PATJ: variants seen among roughly 807,000 people sequenced by gnomAD.
PATJ encodes the protein PATJ crumbs cell polarity complex component.
A neutral mutation model predicts 224.9 loss-of-function variants in PATJ; 190 were observed. That is an observed-to-expected ratio of 0.84 (90% CI 0.75 to 0.95). The LOEUF is 0.95. Ranked by LOEUF, PATJ falls within the 40% of genes least tolerant of loss-of-function variation. The probability of loss-of-function intolerance (pLI) is 0.00; values close to 1 mark genes in which losing one functional copy is unlikely to be tolerated. For missense variants in PATJ, 2,121 were observed against 2,270.3 expected, an observed-to-expected ratio of 0.93 and a Z score of 1.34; for synonymous variants, 769 against 820.3, an observed-to-expected ratio of 0.94 and a Z score of 1.07.
intron 31 of PATJ, among the ~76,000 whole-genome samples, chr1:62,054,758 T>A (rs1654256388): frequency 1.3e-5 from 2 of 152,180 alleles, no homozygotes; most frequent in Admixed American, 1.3e-4. Context: ...TTAATTTTTT[T>A]AATATTTAAG....
At chr1:61,993,349 C>T (rs2095090) in intron 28 of PATJ, among the ~76,000 whole-genome samples, 4,553 of 152,208 alleles carry the variant, frequency 0.03, 216 homozygotes, top group African/African-American at 0.1. Flanking sequence ...CCTGTCTGGG[C>T]GTGCTACCCA....
intron 33 of PATJ, among the ~76,000 whole-genome samples, chr1:62,099,853 T>A (rs560612106): frequency 6.6e-6 from 1 of 152,306 alleles, no homozygotes; most frequent in Non-Finnish European, 1.5e-5. Flanking sequence ...CCTGGCTTCT[T>A]TAAGTGTTAT....
chr1:62,155,129 A>G (rs142825369), intron 43 of PATJ, among the ~76,000 whole-genome samples: 6 of 152,318 alleles, frequency 3.9e-5, no homozygotes, highest in South Asian at 2.1e-4. Context: ...ATAGCCAGCT[A>G]TGTAGATAAG....
chr1:61,991,572 C>T, intron 28 of PATJ: 1 of 985,330 alleles, frequency 1.0e-6, no homozygotes, highest in Non-Finnish European at 1.2e-6. Context: ...AACAGGAAGA[C>T]CATCGCCATC....
intron 27 of PATJ, among the ~76,000 whole-genome samples, chr1:61,970,620 G>A (rs1463891515): frequency 2.0e-5 from 3 of 152,100 alleles, no homozygotes; most frequent in Non-Finnish European, 4.4e-5. Context: ...TGCCTCCCAA[G>A]TAGCTAGGAT....
At chr1:62,066,236 A>G (rs905213333) in intron 31 of PATJ, among the ~76,000 whole-genome samples, 1 of 152,188 alleles carries the variant, frequency 6.6e-6, no homozygotes, top group African/African-American at 2.4e-5. Flanking sequence ...ATCTTATATG[A>G]GATTGGTCTA....
chr1:62,077,014 A>G (rs933593895), intron 31 of PATJ, among the ~76,000 whole-genome samples: 2 of 152,198 alleles, frequency 1.3e-5, no homozygotes, highest in Non-Finnish European at 2.9e-5. Context: ...TTATCTGATT[A>G]CTATACCATT....
intron 41 of PATJ, among the ~76,000 whole-genome samples, chr1:62,135,620 A>G (rs1666779379): frequency 6.6e-6 from 1 of 152,024 alleles, no homozygotes; most frequent in Non-Finnish European, 1.5e-5. Context: ...ATGAACACCT[A>G]GCCCAAGTTA....
At chr1:61,907,761 G>T (rs184098151) in intron 24 of PATJ, among the ~76,000 whole-genome samples, 8 of 152,284 alleles carry the variant, frequency 5.3e-5, no homozygotes, top group Admixed American at 4.6e-4. Flanking sequence ...GAAATACAGA[G>T]TGTGCTCTTG....
At chr1:61,814,659 T>C (rs1557694030) in intron 14 of PATJ, among the ~76,000 whole-genome samples, 1 of 152,196 alleles carries the variant, frequency 6.6e-6, no homozygotes. Flanking sequence ...TAAATGTCCA[T>C]AGAATTTTTC....
At chr1:62,035,128 G>A (rs910797751) in intron 29 of PATJ, among the ~76,000 whole-genome samples, 4 of 152,094 alleles carry the variant, frequency 2.6e-5, no homozygotes, top group African/African-American at 9.7e-5. Context: ...CACAAGTGAT[G>A]GATTACTTTT....
At chr1:61,816,745 C>G (rs1021380200) in intron 14 of PATJ, among the ~76,000 whole-genome samples, 1 of 152,082 alleles carries the variant, frequency 6.6e-6, no homozygotes, top group African/African-American at 2.4e-5. Flanking sequence ...ATCAGTTCTC[C>G]AGGATGTAAT....
chr1:62,058,040 C>G (rs1654830353), intron 31 of PATJ, among the ~76,000 whole-genome samples: 2 of 152,120 alleles, frequency 1.3e-5, no homozygotes, highest in Non-Finnish European at 2.9e-5. Flanking sequence ...TTCAAATTTC[C>G]AGTGGTATTT....
chr1:62,133,728 T>C (rs1230826650), intron 41 of PATJ, among the ~76,000 whole-genome samples: 2 of 146,706 alleles, frequency 1.4e-5, no homozygotes, highest in Non-Finnish European at 3.0e-5. Flanking sequence ...AGGAGTGGAG[T>C]GGGATTCAAG....
chr1:61,991,372 G>A (rs1046792398), intron 28 of PATJ: 8 of 393,854 alleles, frequency 2.0e-5, no homozygotes, highest in Non-Finnish European at 2.8e-5. Flanking sequence ...TTGTTAAAAT[G>A]TTCCAACTTT....
chr1:61,784,399 G>A (rs1192001741), intron 7 of PATJ, among the ~76,000 whole-genome samples: 1 of 152,198 alleles, frequency 6.6e-6, no homozygotes, highest in Non-Finnish European at 1.5e-5. Flanking sequence ...CTTAGACAAG[G>A]TAGCTGTCAT....
chr1:62,057,075 A>T (rs1027562534), intron 31 of PATJ, among the ~76,000 whole-genome samples: 1 of 151,904 alleles, frequency 6.6e-6, no homozygotes, highest in Non-Finnish European at 1.5e-5. Flanking sequence ...TGATCTCCCC[A>T]CCTCAGCCTC....
At chr1:61,908,345 T>C (rs1043576816) in intron 24 of PATJ, 27 bp from the exon 25 acceptor site, 1 of 1,465,414 alleles carries the variant, frequency 6.8e-7, no homozygotes, top group Non-Finnish European at 9.6e-7. Flanking sequence ...GCTGTTCTAA[T>C]TGAAATAACT....
At chr1:61,913,094 C>T (rs1453173496) in intron 25 of PATJ, among the ~76,000 whole-genome samples, 1 of 152,122 alleles carries the variant, frequency 6.6e-6, no homozygotes, top group Non-Finnish European at 1.5e-5. Flanking sequence ...ACTTTATTTA[C>T]ATTCTATATT....
Sources: allele counts gnomAD v4.1 joint callset (sites outside exome capture counted in the v4.1 genomes callset), GRCh38; gene constraint gnomAD v4.1.1; transcripts MANE v1.5; gene names NCBI Gene and HGNC (gene_info 2026-07-23, HGNC 2026-07-21).